The following SPEG variants were observed in gnomAD, a reference collection of about 807,000 sequenced individuals.
The protein encoded by SPEG is striated muscle preferentially expressed protein kinase.
A neutral mutation model predicts 300.4 loss-of-function variants in SPEG; 114 were observed. That is an observed-to-expected ratio of 0.38 (90% CI 0.33 to 0.44). The LOEUF (loss-of-function observed/expected upper bound fraction) is 0.44, where lower values mean the gene tolerates loss of function less well. SPEG is among the 20% of genes least tolerant of loss of function. The probability of loss-of-function intolerance (pLI) is 1.00; values close to 1 mark genes in which losing one functional copy is unlikely to be tolerated. For synonymous variants in SPEG, 1,964 were observed against 2,018.9 expected, an observed-to-expected ratio of 0.97 and a Z score of 0.73; for missense variants, 4,201 against 4,586.2, an observed-to-expected ratio of 0.92 and a Z score of 2.43.
Position 219,461,938 on chromosome 2 carries a change from C to A in SPEG, c.2497C>A (p.Pro833Thr). 6.2e-7 allele frequency: 1 copy of A among 1,613,776 alleles called. No individual in the cohort carries two copies. The highest frequency in any genetic ancestry group is 8.5e-7 in the Non-Finnish European group (1 of 1,179,860). Residue 833 changes from proline to threonine, a missense_variant, in exon 7 of 41, where the codon CCC (proline) becomes ACC (threonine). Around this residue, in one of 4 missense-constraint regions of SPEG, gnomAD observed 1,258 missense variants for 1,293.9 expected, o/e 0.97. Coordinates refer to ENST00000312358, the MANE Select transcript of SPEG (RefSeq NM_005876.5). ...PITSDEEYLSPPEEFPEPGET... is the reference protein window; with the variant it reads ...PITSDEEYLSTPEEFPEPGET... ...CACCTCCGACGAGGAATACCTGAGC[C>A]CCCCAGAGGAGTTCCCAGAGCCTGG...
chr2:219,455,950 G>A (rs964298055), intron 6 of SPEG, among the ~76,000 whole-genome samples: 17 of 152,282 alleles, frequency 1.1e-4, no homozygotes, highest in African/African-American at 4.1e-4. Flanking sequence ...TCAACTACAG[G>A]TCTCCTATAT....
At position 219,448,693 on chromosome 2, in the gene SPEG, G is replaced by A. The variant is rs1311462718; in HGVS notation, c.1535G>A (p.Arg512His). Residue 512 changes from arginine to histidine, a missense_variant, in exon 4 of 41, where the codon CGC becomes CAC. Coordinates refer to ENST00000312358, the MANE Select transcript of SPEG (RefSeq NM_005876.5). ...TCCACGTCGCGGGAGGAGCTGGTGC[G>A]CTCGCACGAGTCCCTGCGCGCCACG... ...RRSTSREELV[R>H]SHESLRATLQ... 1.3e-6 allele frequency: 2 copies of A among 1,493,040 alleles called. No homozygotes were observed. The highest frequency in any genetic ancestry group is 2.8e-5 in the East Asian group (1 of 35,296). 92.5% of individuals were successfully genotyped at this position (1,493,040 alleles called of 1,614,324 possible). A position where few individuals can be genotyped will look rare whatever the true frequency, so the allele number is the denominator to read the frequency against.
rs1693873383 is a variant in SPEG, at chr2:219,490,508, C to T, written c.9021C>T (p.Val3007=). The T allele has an allele frequency of 1.9e-6, 3 of 1,612,320 alleles. No homozygotes were observed. Among genetic ancestry groups the T allele is most frequent in the Non-Finnish European group, 2.5e-6 (3 of 1,179,980 alleles). The change falls in exon 37 of 41, where the codon GTC becomes GTT. Residue 3007 remains valine, a synonymous_variant. Transcript: ENST00000312358. ...VPYAAEGKRR[V]LQEYEVLRTL... Reference sequence around the variant, plus strand: ...ATGCTGCCGAGGGCAAGCGGCGGGTCCTGCAGGAGTACGAGGTGCTGCGGA... The same window carrying T: ...ATGCTGCCGAGGGCAAGCGGCGGGTTCTGCAGGAGTACGAGGTGCTGCGGA...
chr2:219,483,386 G>C lies in SPEG; in HGVS notation c.5923G>C (p.Glu1975Gln). Residue 1975 changes from glutamate (E) to glutamine (Q), a missense_variant, in exon 30 of 41, where the codon GAG becomes CAG. Glu to Gln is a conservative substitution (Grantham distance 29). Transcript: ENST00000312358. Reference sequence around the variant, plus strand: ...GGCTGCCACCCCCATGGACTGGCAGGAGCAGGGAAGGGCTCCCTCTCAGGA... The same window carrying C: ...GGCTGCCACCCCCATGGACTGGCAGCAGCAGGGAAGGGCTCCCTCTCAGGA... The part of the protein sequence containing the change: ...TGAATPMDWQ[E>Q]QGRAPSQDQE... 1.3e-6 allele frequency: 2 copies of C among 1,599,492 alleles called. No homozygotes were observed. Among genetic ancestry groups the C allele is most frequent in the Non-Finnish European group, 1.7e-6 (2 of 1,176,416 alleles).
chr2:219,473,343 TC>T lies in SPEG; in HGVS notation c.4148-160del. ...CCCCACAACCTCAGCTTTGCTGCTC[TC>T]TGGCTGTGTTCCCCTGACAAATCGC... On this transcript the variant is annotated intron_variant, in intron 16 of 40. Transcript: ENST00000312358. This position sits in a 1 kb window ranked among gnomAD's most constrained non-coding sequence, Gnocchi z 4.6. 1.2e-6 allele frequency: 1 copy of T among 809,574 alleles called. No homozygotes were observed. The allele number at this position is 809,574 out of a possible 1,614,324, so 50.1% of individuals were successfully genotyped here.
chr2:219,460,134 C>T (rs187600141), intron 6 of SPEG, among the ~76,000 whole-genome samples: 480 of 152,328 alleles, frequency 3.2e-3, no homozygotes, highest in Non-Finnish European at 5.8e-3. Flanking sequence ...CAACAGGTGC[C>T]CTGGCGGTTT....
chr2:219,486,586 C>T (rs953707734), intron 31 of SPEG, among the ~76,000 whole-genome samples: 1 of 152,162 alleles, frequency 6.6e-6, no homozygotes, highest in South Asian at 2.1e-4. Context: ...CAGCTGATCC[C>T]TTCCCACCTG....
rs1386376557 is a variant in SPEG, at chr2:219,485,092, G to A, written c.7609+20G>A. The A allele has an allele frequency of 1.3e-6, 2 of 1,529,902 alleles. No individual in the cohort carries two copies. Among genetic ancestry groups the A allele is most frequent in the South Asian group, 1.2e-5 (1 of 83,798 alleles). 94.8% of individuals were successfully genotyped at this position (1,529,902 alleles called of 1,614,324 possible). On this transcript the variant is annotated intron_variant, in intron 30 of 40. Coordinates refer to ENST00000312358, the MANE Select transcript of SPEG (RefSeq NM_005876.5). ...CCTCAGGTGAGGAGGGGCAGGGGTAGGGCAGCAGGTGCAGAGGAGGGTGGG... is the reference window on the plus strand; with the variant it reads ...CCTCAGGTGAGGAGGGGCAGGGGTAAGGCAGCAGGTGCAGAGGAGGGTGGG...
At chr2:219,441,125 A>G (rs936725719) in intron 1 of SPEG, among the ~76,000 whole-genome samples, 1 of 152,204 alleles carries the variant, frequency 6.6e-6, no homozygotes, top group African/African-American at 2.4e-5. Flanking sequence ...CTAAACAAAC[A>G]TAGCTATAAT....
In SPEG at chr2:219,467,200, G is replaced by T. The variant is rs377353278; in HGVS notation, c.2908G>T (p.Val970Leu). The change falls in exon 10 of 41, where the codon GTG (valine) becomes TTG (leucine). Residue 970 changes from valine to leucine, a missense_variant. Coordinates refer to ENST00000312358, the MANE Select transcript of SPEG (RefSeq NM_005876.5). ...RAHPESRSLA[V>L]LAPLQDVDVG... is the part of the protein sequence containing the mutation. ...ACACCCTGAAAGCCGGTCCCTGGCC[G>T]TGCTGGCCCCCCTGCAGGACGTGGA... is the stretch of plus-strand genomic sequence containing the variant. 6.3e-7 allele frequency: 1 copy of T among 1,589,642 alleles called. No homozygotes were observed. The highest frequency in any genetic ancestry group is 8.6e-7 in the Non-Finnish European group (1 of 1,169,008).
At position 219,467,464 on chromosome 2, in the gene SPEG, G is replaced by C. The variant is rs770472608; in HGVS notation, c.3142+30G>C. On this transcript the variant is annotated intron_variant, in intron 10 of 40. Coordinates refer to ENST00000312358, the MANE Select transcript of SPEG (RefSeq NM_005876.5). ...CTCCCCACTCAGGCATTGGGCTGCC[G>C]TGGGTGCCCAAGAGCTGGAGGGAGG... 2.5e-6 allele frequency: 4 copies of C among 1,577,446 alleles called. No homozygotes were observed. In the East Asian group the frequency reaches 9.0e-5, roughly 36 times the overall value.
intron 4 of SPEG, 43 bp downstream of exon 4, chr2:219,449,314 C>T (rs916551798): frequency 6.0e-6 from 8 of 1,337,230 alleles, no homozygotes; most frequent in East Asian, 3.1e-5. Flanking sequence ...GAACCCCCGT[C>T]GGGGGGCGTT....
chr2:219,453,881 C>A (rs1035290606), intron 6 of SPEG, among the ~76,000 whole-genome samples: 1 of 152,044 alleles, frequency 6.6e-6, no homozygotes, highest in African/African-American at 2.4e-5. Flanking sequence ...CTGGGGATGG[C>A]ACAGACATCT....
At position 219,480,200 on chromosome 2, in the gene SPEG, G is replaced by C. The variant is rs1692705511; in HGVS notation, c.5342+60G>C. 2.6e-6 allele frequency: 4 copies of C among 1,560,756 alleles called. No homozygotes were observed. On this transcript the variant is annotated intron_variant, in intron 25 of 40. Coordinates refer to ENST00000312358, the MANE Select transcript of SPEG (RefSeq NM_005876.5). This position sits in a 1 kb window ranked among gnomAD's most constrained non-coding sequence, Gnocchi z 5.3. Reference sequence around the variant, plus strand: ...CAGCTGCCCTTGGGGCTGTGCTGGGGACGCGCTCACTGGCAGGGAGATTTA... The same window carrying C: ...CAGCTGCCCTTGGGGCTGTGCTGGGCACGCGCTCACTGGCAGGGAGATTTA...
chr2:219,464,813 C>G lies in SPEG; in HGVS notation c.2881+205C>G. 3.5e-6 allele frequency: 2 copies of G among 576,646 alleles called. No individual in the cohort carries two copies. The highest frequency in any genetic ancestry group is 6.2e-6 in the Non-Finnish European group (2 of 323,906). 35.7% of individuals were successfully genotyped at this position (576,646 alleles called of 1,614,324 possible). On this transcript the variant is annotated intron_variant, in intron 9 of 40. Coordinates refer to ENST00000312358, the MANE Select transcript of SPEG (RefSeq NM_005876.5). The surrounding 1 kb of genome is among the most constrained non-coding windows in gnomAD (Gnocchi z 4.5). ...GCCCAAAGCTGCACAGCACATTGTTCCGTGCTCAGCTTACTACACAACACC... is the reference window on the plus strand; with the variant it reads ...GCCCAAAGCTGCACAGCACATTGTTGCGTGCTCAGCTTACTACACAACACC...
chr2:219,472,930 G>A lies in SPEG; in HGVS notation c.3981G>A (p.Leu1327=), dbSNP rs770357943. The change falls in exon 16 of 41, where the codon CTG becomes CTA. Residue 1327 remains leucine (L), a synonymous_variant. Coordinates refer to ENST00000312358, the MANE Select transcript of SPEG (RefSeq NM_005876.5). ...CGTACACAGTGCAGCACCAGGTGCT[G>A]GGCTCGGACCAGTGGACGGCACTGG... The part of the protein sequence containing the change: ...SLTYTVQHQV[L]GSDQWTALVT... 6.2e-7 allele frequency: 1 copy of A among 1,613,252 alleles called. No homozygotes were observed. The highest frequency in any genetic ancestry group is 8.5e-7 in the Non-Finnish European group (1 of 1,179,594).
intron 31 of SPEG, 142 bp downstream of exon 31, chr2:219,485,619 G>A: frequency 1.3e-6 from 1 of 753,744 alleles, no homozygotes; most frequent in Non-Finnish European, 2.0e-6. Flanking sequence ...TATAACAATA[G>A]CAGTAGCTGA....
At position 219,484,023 on chromosome 2, in the gene SPEG, G is replaced by T. The variant is rs2125556874; in HGVS notation, c.6560G>T (p.Ser2187Ile). ...SPARPSAPKP[S>I]TPKSAEPSAT... Reference sequence around the variant, plus strand: ...GCACGGCCCAGCGCCCCCAAACCCAGTACCCCTAAGTCTGCAGAACCTTCT... The same window carrying T: ...GCACGGCCCAGCGCCCCCAAACCCATTACCCCTAAGTCTGCAGAACCTTCT... Residue 2187 changes from serine (S) to isoleucine (I), a missense_variant, in exon 30 of 41, where the codon AGT (serine) becomes ATT (isoleucine). By Grantham distance (142) the Ser-to-Ile change is moderately radical. Transcript: ENST00000312358. 1.9e-6 allele frequency: 3 copies of T among 1,613,238 alleles called. No individual in the cohort carries two copies. Among genetic ancestry groups the T allele is most frequent in the Non-Finnish European group, 2.5e-6 (3 of 1,179,804 alleles).
chr2:219,465,927 G>A (rs1351695320), intron 9 of SPEG: 22 of 227,884 alleles, frequency 9.7e-5, no homozygotes, highest in African/African-American at 6.4e-4. Flanking sequence ...GTGTGTGCGC[G>A]CGTGTGCGTG....
Sources: gnomAD v4.1 joint callset for allele counts (sites outside exome capture counted in the v4.1 genomes callset) on GRCh38, gnomAD v4.1.1 for gene constraint, gnomAD v4.1.1 regional missense constraint, Gnocchi (gnomAD v3.1) non-coding constraint, MANE v1.5 for transcripts, NCBI Gene and HGNC (gene_info 2026-07-23, HGNC 2026-07-21) for gene names.